Variants in PLXNA2 observed in about 807,000 individuals in gnomAD.
PLXNA2 encodes the protein plexin A2, also known as plexin-A2.
In PLXNA2, 91 loss-of-function variants were observed where a neutral mutation model predicts 193.5. The observed-to-expected ratio is 0.47, with a 90% CI of 0.40 to 0.56. The LOEUF (loss-of-function observed/expected upper bound fraction) is 0.56, where lower values mean the gene tolerates loss of function less well. Ranked by LOEUF, PLXNA2 falls within the 20% of genes least tolerant of loss-of-function variation. PLXNA2 has a pLI of 0.00. For synonymous variants in PLXNA2, 997 were observed against 1,027.3 expected (o/e 0.97, Z 0.56); for missense variants, 1,995 against 2,503.2 (o/e 0.80, Z 4.33).
intron 3 of PLXNA2, among the ~76,000 whole-genome samples, chr1:208,175,315 C>G (rs1330463275): frequency 2.0e-5 from 3 of 152,206 alleles, no homozygotes; most frequent in African/African-American, 7.2e-5. Context: ...CTCATCCCAG[C>G]TGAGCACCAG....
At chr1:208,112,367 T>A (rs1464927670) in intron 4 of PLXNA2, among the ~76,000 whole-genome samples, 1 of 152,264 alleles carries the variant, frequency 6.6e-6, no homozygotes, top group Non-Finnish European at 1.5e-5. Context: ...ATCCAGCTTC[T>A]GTGCTTATCA....
intron 1 of PLXNA2, among the ~76,000 whole-genome samples, chr1:208,241,801 G>A (rs1032540818): frequency 2.6e-5 from 4 of 152,080 alleles, no homozygotes; most frequent in Non-Finnish European, 5.9e-5. Context: ...AGCTCCTTTA[G>A]GTAATGCTGG....
At position 208,027,095 on chromosome 1, in the gene PLXNA2, G is replaced by GGAGAGGGGAA; in HGVS notation, c.*147_*148insTTCCCCTCTC. The GGAGAGGGGAA allele has an allele frequency of 1.4e-6, 1 of 702,684 alleles. No individual in the cohort carries two copies. Among genetic ancestry groups the GGAGAGGGGAA allele is most frequent in the African/African-American group, 1.8e-5 (1 of 56,574 alleles). 43.5% of individuals were successfully genotyped at this position (702,684 alleles called of 1,614,324 possible). On this transcript the variant is annotated 3_prime_UTR_variant, in exon 32 of 32. Coordinates refer to ENST00000367033, the MANE Select transcript of PLXNA2 (RefSeq NM_025179.4). ...CTATGACGAAACTTGGCTGGCGTAG[G>GGAGAGGGGAA]GAGAGGAGTCCTCCCCTCTCCCCAG...
Position 208,195,211 on chromosome 1 carries a change from G to A in PLXNA2, c.1371+15069C>T, listed in dbSNP as rs541724393. 1.2e-3 allele frequency among the ~76,000 whole-genome samples: 187 copies of A among 152,330 alleles called. 1 individual carries two copies. Among genetic ancestry groups the A allele is most frequent in the African/African-American group, 4.1e-3 (172 of 41,578 alleles). On this transcript the variant is annotated intron_variant, in intron 3 of 31. Coordinates refer to ENST00000367033, the MANE Select transcript of PLXNA2 (RefSeq NM_025179.4). ...TAGGTAGCAGCATGAGCTAGCAGGA[G>A]AAAATGATGCCAAAGCTCACCTTCT...
rs751044766 is a variant in PLXNA2, at chr1:208,217,143, G to T, written c.780C>A (p.Pro260=). 6.2e-7 allele frequency: 1 copy of T among 1,614,064 alleles called. No homozygotes were observed. The highest frequency in any genetic ancestry group is 1.1e-5 in the South Asian group (1 of 91,086). The part of the protein sequence containing the change: ...GGFVYFLTVQ[P]ETPEGVAINS... ...TGATGGCCACACCCTCAGGGGTCTC[G>T]GGCTGGACAGTGAGAAAGTAGACAA... Residue 260 remains proline, a synonymous_variant, in exon 2 of 32, where the codon CCC becomes CCA. Transcript: ENST00000367033. The surrounding 1 kb of genome is among the most constrained non-coding windows in gnomAD (Gnocchi z 4.7).
chr1:208,096,991 T>C, intron 6 of PLXNA2, 108 bp from the exon 7 acceptor site: 1 of 928,708 alleles, frequency 1.1e-6, no homozygotes, highest in Non-Finnish European at 1.6e-6. Context: ...CCTGACCTCA[T>C]CTATAAAAGA....
At chr1:208,052,930 C>T (rs1328068731) in intron 14 of PLXNA2, among the ~76,000 whole-genome samples, 11 of 151,724 alleles carry the variant, frequency 7.3e-5, no homozygotes, top group Admixed American at 7.2e-4. Context: ...TCTGTCCTTC[C>T]CTGAGCATAA....
At chr1:208,124,198 C>A (rs1293191539) in intron 4 of PLXNA2, among the ~76,000 whole-genome samples, 1 of 152,120 alleles carries the variant, frequency 6.6e-6, no homozygotes, top group Non-Finnish European at 1.5e-5. Flanking sequence ...AAGGGAACAA[C>A]AGACACTGGG....
intron 3 of PLXNA2, among the ~76,000 whole-genome samples, chr1:208,202,227 G>A (rs755154207): frequency 6.6e-6 from 1 of 152,014 alleles, no homozygotes; most frequent in Non-Finnish European, 1.5e-5. Flanking sequence ...TGATCAGCCC[G>A]CCTCGGCCTC....
chr1:208,043,084 G>A lies in PLXNA2; in HGVS notation c.3994C>T (p.His1332Tyr), dbSNP rs1380220910. The change falls in exon 21 of 32, where the codon CAC becomes TAC. Residue 1332 changes from histidine (H) to tyrosine (Y), a missense_variant. Transcript: ENST00000367033. ...MRVLFPGIED[H>Y]PVLRELEVQG... ...ACCTCCAGCTCCCGCAGGACGGGGT[G>A]GTCCTCGATGCCCGGGAACAGGACT... 6.2e-7 allele frequency: 1 copy of A among 1,613,888 alleles called. No homozygotes were observed. The highest frequency in any genetic ancestry group is 1.1e-5 in the South Asian group (1 of 91,070).
At chr1:208,228,679 G>C (rs774729546) in intron 1 of PLXNA2, among the ~76,000 whole-genome samples, 5 of 152,142 alleles carry the variant, frequency 3.3e-5, no homozygotes, top group Admixed American at 6.5e-5. Flanking sequence ...TCCTTTCCCA[G>C]CTGGCTCTTC....
At chr1:208,146,442 A>G (rs1296058253) in intron 3 of PLXNA2, among the ~76,000 whole-genome samples, 2 of 152,198 alleles carry the variant, frequency 1.3e-5, no homozygotes, top group East Asian at 1.9e-4. Flanking sequence ...TGGGGTTCAA[A>G]CCAGCCCCAG....
At chr1:208,165,065 C>T (rs1669257043) in intron 3 of PLXNA2, among the ~76,000 whole-genome samples, 1 of 152,182 alleles carries the variant, frequency 6.6e-6, no homozygotes, top group Non-Finnish European at 1.5e-5. Flanking sequence ...TTGGCAAAGG[C>T]CTGTGGAGAT....
At position 208,098,966 on chromosome 1, in the gene PLXNA2, G is replaced by T. The variant is rs200814952; in HGVS notation, c.1611C>A (p.Cys537Ter). 6.3e-7 allele frequency: 1 copy of T among 1,589,946 alleles called. No individual in the cohort carries two copies. Among genetic ancestry groups the T allele is most frequent in the East Asian group, 2.3e-5 (1 of 43,596 alleles). Residue 537 changes from cysteine (C) to a stop codon, truncating the protein, a stop_gained, in exon 6 of 32, where the codon TGC (cysteine) becomes TGA (stop). Transcript: ENST00000367033. LOFTEE classifies it high-confidence loss of function. ...HCGWCALHNM[C>*]SRRDKCQQAW... ...CCTGTTGGCATTTGTCCCTGCGGGAGCACCTGCCATAAACACAGATTCACA... is the reference window on the plus strand; with the variant it reads ...CCTGTTGGCATTTGTCCCTGCGGGATCACCTGCCATAAACACAGATTCACA...
chr1:208,104,689 G>A (rs1338329513), intron 4 of PLXNA2, among the ~76,000 whole-genome samples: 1 of 152,128 alleles, frequency 6.6e-6, no homozygotes, highest in Admixed American at 6.5e-5. Context: ...GGAGAGAGAT[G>A]AGCCTGCCTT....
chr1:208,198,796 A>G (rs982925129), intron 3 of PLXNA2, among the ~76,000 whole-genome samples: 3 of 152,206 alleles, frequency 2.0e-5, no homozygotes, highest in Non-Finnish European at 4.4e-5. Flanking sequence ...TTGAATGCTA[A>G]AAAGCTAGTG....
At chr1:208,062,988 G>T (rs919932488) in intron 12 of PLXNA2, among the ~76,000 whole-genome samples, 3 of 152,172 alleles carry the variant, frequency 2.0e-5, no homozygotes, top group African/African-American at 2.4e-5. Context: ...ATCAGCAGGA[G>T]ACAATTTGCT....
chr1:208,103,010 A>G (rs1349027698), intron 5 of PLXNA2, 137 bp downstream of exon 5: 4 of 701,292 alleles, frequency 5.7e-6, no homozygotes, highest in African/African-American at 3.5e-5. Context: ...CCTGCTCTCA[A>G]CACTGAAGCC....
In PLXNA2 at chr1:208,207,124, G is replaced by A. The variant is rs1670755412; in HGVS notation, c.1371+3156C>T. ...GGGTTCAAGCGATTCTCCCACCTCA[G>A]CCTCCCAAGTGGCTGGGACTACAGG... On this transcript the variant is annotated intron_variant, in intron 3 of 31. Transcript: ENST00000367033. 2.0e-5 allele frequency among the ~76,000 whole-genome samples: 3 copies of A among 152,166 alleles called. No homozygotes were observed. The South Asian group carries it at 6.2e-4, about 32-fold the overall frequency.
Sources: allele counts gnomAD v4.1 joint callset (sites outside exome capture counted in the v4.1 genomes callset), GRCh38; gene constraint gnomAD v4.1.1; non-coding constraint Gnocchi (gnomAD v3.1); transcripts MANE v1.5; gene names NCBI Gene and HGNC (gene_info 2026-07-23, HGNC 2026-07-21).